CEP350: variants seen among roughly 807,000 people sequenced by gnomAD.
The protein encoded by CEP350 is centrosomal protein 350, also known as centrosome-associated protein 350.
CEP350 carries 126 observed loss-of-function variants against 331.8 expected under a neutral mutation model. The observed-to-expected ratio is 0.38, with a 90% CI of 0.33 to 0.44. The LOEUF (loss-of-function observed/expected upper bound fraction) is 0.44. CEP350 is among the 20% of genes least tolerant of loss of function. CEP350 has a pLI of 1.00. For synonymous variants in CEP350, 1,200 were observed against 1,259.5 expected (o/e 0.95, Z 1.00); for missense variants, 3,406 against 3,634.6 (o/e 0.94, Z 1.62).
intron 1 of CEP350, among the ~76,000 whole-genome samples, chr1:179,971,813 A>G (rs1373261753): frequency 1.3e-5 from 2 of 152,120 alleles, no homozygotes; most frequent in African/African-American, 4.8e-5. Flanking sequence ...GGAAAACTCC[A>G]TTGTACATTC....
intron 7 of CEP350, 90 bp from the exon 8 acceptor site, chr1:180,006,364 A>C: frequency 1.4e-6 from 1 of 710,432 alleles, no homozygotes; most frequent in Non-Finnish European, 2.5e-6. Flanking sequence ...CCTGCAGCAT[A>C]TACTTTATAC....
intron 34 of CEP350, among the ~76,000 whole-genome samples, chr1:180,094,924 C>T (rs1486917884): frequency 6.6e-6 from 1 of 152,212 alleles, no homozygotes; most frequent in Non-Finnish European, 1.5e-5. Context: ...CCTGTACTGT[C>T]CATAGATTAC....
chr1:180,066,297 G>A (rs759046317), intron 27 of CEP350, among the ~76,000 whole-genome samples: 7 of 152,014 alleles, frequency 4.6e-5, no homozygotes, highest in Non-Finnish European at 7.4e-5. Context: ...TAGCTTCCTC[G>A]AAACCCATTA....
intron 1 of CEP350, among the ~76,000 whole-genome samples, chr1:179,962,783 A>G (rs545201749): frequency 1.3e-5 from 2 of 152,268 alleles, no homozygotes; most frequent in South Asian, 2.1e-4. Context: ...TGATAAACAT[A>G]CTAGTGCAGT....
intron 1 of CEP350, among the ~76,000 whole-genome samples, chr1:179,976,231 G>GA (rs34951847): frequency 0.56 from 84,284 of 150,768 alleles, 25,399 homozygotes; most frequent in East Asian, 0.72. Context: ...CTGTAAATCA[G>GA]AAAAAAAAAT....
chr1:180,016,541 T>G (rs1654986228), intron 11 of CEP350, among the ~76,000 whole-genome samples: 1 of 152,152 alleles, frequency 6.6e-6, no homozygotes, highest in Non-Finnish European at 1.5e-5. Flanking sequence ...AGGTGATGTT[T>G]AGGTTATGTG....
chr1:179,968,970 C>T lies in CEP350; in HGVS notation c.-14+13828C>T, dbSNP rs1651227580. 11 of 758,316 alleles carry T rather than the reference C, an allele frequency of 1.5e-5. 1 individual carries two copies. Among genetic ancestry groups the T allele is most frequent in the Non-Finnish European group, 2.7e-5 (11 of 414,260 alleles). 47.0% of individuals were successfully genotyped at this position (758,316 alleles called of 1,614,324 possible). Reference sequence around the variant, plus strand: ...CTGACTGCTTTACTCCTGGAACCTTCACTAACCAGATCCAGGCAGCCTTCC... The same window carrying T: ...CTGACTGCTTTACTCCTGGAACCTTTACTAACCAGATCCAGGCAGCCTTCC... On this transcript the variant is annotated intron_variant, in intron 1 of 37. Coordinates refer to ENST00000367607, the MANE Select transcript of CEP350 (RefSeq NM_014810.5).
chr1:180,031,543 T>A, intron 15 of CEP350, 49 bp downstream of exon 15: 2 of 911,068 alleles, frequency 2.2e-6, no homozygotes, highest in Non-Finnish European at 1.5e-6. Flanking sequence ...AGATATATAA[T>A]TGATATTCAA....
At chr1:180,066,551 A>G (rs1292145137) in intron 27 of CEP350, among the ~76,000 whole-genome samples, 2 of 152,212 alleles carry the variant, frequency 1.3e-5, no homozygotes, top group East Asian at 1.9e-4. Flanking sequence ...TTGGCACTTC[A>G]TTGCAAGAAC....
chr1:179,973,627 C>T (rs1651623492), intron 1 of CEP350, among the ~76,000 whole-genome samples: 1 of 152,016 alleles, frequency 6.6e-6, no homozygotes. Context: ...TCAAACGGCT[C>T]CCATTATTTC....
chr1:180,097,089 T>A (rs1244217334), intron 36 of CEP350, among the ~76,000 whole-genome samples: 1 of 152,278 alleles, frequency 6.6e-6, no homozygotes, highest in Non-Finnish European at 1.5e-5. Flanking sequence ...TATTTTATAC[T>A]TATAGAACAC....
chr1:180,094,541 T>A lies in CEP350; in HGVS notation c.8436T>A (p.Ile2812=). ...SQNVEEQSPS[I]SGCFLSSELE... is the part of the protein sequence containing the mutation. ...ATGTTGAGGAACAGTCGCCAAGTAT[T>A]TCAGGTTGCTTCTTAAGTTCTGAAT... The change falls in exon 34 of 38, where the codon ATT becomes ATA. Residue 2812 remains isoleucine (I), a synonymous_variant. Coordinates refer to ENST00000367607, the MANE Select transcript of CEP350 (RefSeq NM_014810.5). The A allele has an allele frequency of 6.2e-7, 1 of 1,613,916 alleles. No individual in the cohort carries two copies. Among genetic ancestry groups the A allele is most frequent in the Non-Finnish European group, 8.5e-7 (1 of 1,179,838 alleles).
At position 180,012,012 on chromosome 1, in the gene CEP350, G is replaced by C. The variant is rs745398810; in HGVS notation, c.1330G>C (p.Glu444Gln). The change falls in exon 9 of 38, where the codon GAG becomes CAG. Residue 444 changes from glutamate to glutamine, a missense_variant. Coordinates refer to ENST00000367607, the MANE Select transcript of CEP350 (RefSeq NM_014810.5). Reference sequence around the variant, plus strand: ...GATTCTGGGACCTGCTCCCAGAATGGAGCCAAAAGAGCAAAGAACAGCATC... The same window carrying C: ...GATTCTGGGACCTGCTCCCAGAATGCAGCCAAAAGAGCAAAGAACAGCATC... ...KKILGPAPRM[E>Q]PKEQRTASSD... 2.5e-6 allele frequency: 4 copies of C among 1,584,100 alleles called. No individual in the cohort carries two copies. The highest frequency in any genetic ancestry group is 1.8e-5 in the Admixed American group (1 of 54,998).
At chr1:180,037,853 G>A (rs1656477862) in intron 17 of CEP350, among the ~76,000 whole-genome samples, 1 of 152,078 alleles carries the variant, frequency 6.6e-6, no homozygotes, top group Admixed American at 6.6e-5. Context: ...GTTTCACCAT[G>A]TTAGCCAGGA....
intron 10 of CEP350, among the ~76,000 whole-genome samples, chr1:180,015,424 C>T (rs1299618233): frequency 3.3e-5 from 5 of 152,038 alleles, no homozygotes; most frequent in East Asian, 1.9e-4. Context: ...TTATTAGAGA[C>T]GGGGTTTTAC....
At chr1:179,998,269 A>T (rs1262282983) in intron 6 of CEP350, among the ~76,000 whole-genome samples, 11 of 150,344 alleles carry the variant, frequency 7.3e-5, no homozygotes, top group Non-Finnish European at 1.5e-5. Context: ...TAGGCAGATC[A>T]AAATATTATA....
intron 37 of CEP350, among the ~76,000 whole-genome samples, chr1:180,109,365 G>A (rs371345587): frequency 2.6e-5 from 4 of 152,102 alleles, no homozygotes; most frequent in African/African-American, 4.8e-5. Context: ...TGATCCACCC[G>A]TCTCCGCCTC....
intron 7 of CEP350, among the ~76,000 whole-genome samples, chr1:180,005,628 C>G (rs1242372415): frequency 6.6e-6 from 1 of 152,120 alleles, no homozygotes; most frequent in African/African-American, 2.4e-5. Flanking sequence ...CTCCTTTGTT[C>G]ATAATCTCTC....
At chr1:180,026,657 C>T (rs1056119918) in intron 14 of CEP350, among the ~76,000 whole-genome samples, 6 of 152,198 alleles carry the variant, frequency 3.9e-5, no homozygotes, top group African/African-American at 1.4e-4. Context: ...AACCACTGTT[C>T]TGTTTTCTGT....
Sources: gnomAD v4.1 joint callset for allele counts (sites outside exome capture counted in the v4.1 genomes callset) on GRCh38, gnomAD v4.1.1 for gene constraint, MANE v1.5 for transcripts, NCBI Gene and HGNC (gene_info 2026-07-23, HGNC 2026-07-21) for gene names.